CNTNAP5: variants seen among roughly 807,000 people sequenced by gnomAD.
CNTNAP5 encodes the protein contactin associated protein family member 5, also known as contactin-associated protein-like 5.
In CNTNAP5, 72 loss-of-function variants were observed where a neutral mutation model predicts 150.2. The observed-to-expected ratio is 0.48, with a 90% CI of 0.40 to 0.58. CNTNAP5 has a LOEUF of 0.58. Ranked by LOEUF, CNTNAP5 falls within the 20% of genes least tolerant of loss-of-function variation. The pLI, the probability that CNTNAP5 is intolerant of heterozygous loss-of-function variation, is 0.00. For missense variants in CNTNAP5, 1,636 were observed against 1,626.2 expected (o/e 1.01, Z -0.10); for synonymous variants, 672 against 619.8 (o/e 1.08, Z -1.25).
At chr2:124,653,550 A>T (rs192169186) in intron 13 of CNTNAP5, among the ~76,000 whole-genome samples, 260 of 152,246 alleles carry the variant, frequency 1.7e-3, no homozygotes, top group Non-Finnish European at 2.9e-3. Context: ...CAGCTCTGTA[A>T]ATACACTTGT....
intron 12 of CNTNAP5, among the ~76,000 whole-genome samples, chr2:124,627,905 G>C (rs1021233399): frequency 2.6e-4 from 39 of 152,272 alleles, no homozygotes; most frequent in African/African-American, 8.7e-4. Context: ...CACAGCACAA[G>C]ACAATCATAA....
intron 12 of CNTNAP5, among the ~76,000 whole-genome samples, chr2:124,631,413 T>C (rs1400673689): frequency 6.6e-6 from 1 of 152,028 alleles, no homozygotes; most frequent in African/African-American, 2.4e-5. Context: ...AATTCAGAAA[T>C]GAAACCATAC....
rs114604041 is a variant in CNTNAP5 at position 124,448,373 on chromosome 2, A to G, written c.918+1436A>G. Among the ~76,000 whole-genome samples, 984 of 152,212 alleles carry G rather than the reference A, an allele frequency of 6.5e-3. 4 individuals are homozygous for G. The highest frequency in any genetic ancestry group is 0.024 in the Middle Eastern group (7 of 292). On this transcript the variant is annotated intron_variant, in intron 6 of 23. Transcript: ENST00000682447. ...ATTTCTAATTATTTCACTATATTATATCGATTTGCCTGTCTCTTTTAACTA... is the reference window on the plus strand; with the variant it reads ...ATTTCTAATTATTTCACTATATTATGTCGATTTGCCTGTCTCTTTTAACTA...
intron 3 of CNTNAP5, among the ~76,000 whole-genome samples, chr2:124,365,559 G>T (rs973240914): frequency 1.3e-5 from 2 of 152,136 alleles, no homozygotes; most frequent in African/African-American, 4.8e-5. Context: ...GAAACAGTTG[G>T]CCCTGCATGT....
intron 21 of CNTNAP5, among the ~76,000 whole-genome samples, chr2:124,885,585 ACAC>A (rs1035961669): frequency 3.0e-5 from 4 of 132,048 alleles, no homozygotes; most frequent in South Asian, 4.8e-4. Context: ...ACACACACAC[ACAC>A]AACTCAGTAC....
chr2:124,170,594 C>T (rs138100233), intron 1 of CNTNAP5, among the ~76,000 whole-genome samples: 1 of 152,088 alleles, frequency 6.6e-6, no homozygotes, highest in Non-Finnish European at 1.5e-5. Flanking sequence ...TAAGGAGTGC[C>T]CTGGGTAAGC....
chr2:124,677,118 G>C (rs35773922), intron 13 of CNTNAP5, among the ~76,000 whole-genome samples: 35,910 of 152,068 alleles, frequency 0.24, 4,753 homozygotes, highest in African/African-American at 0.36. Flanking sequence ...TCCTGAGTTC[G>C]TTCCTTCAGA....
At chr2:124,629,104 G>A (rs186316426) in intron 12 of CNTNAP5, among the ~76,000 whole-genome samples, 2 of 152,288 alleles carry the variant, frequency 1.3e-5, no homozygotes, top group East Asian at 3.9e-4. Context: ...CCCACACAAT[G>A]ATAGTGGGAG....
chr2:124,786,452 A>AAGG (rs1681591446), intron 17 of CNTNAP5, among the ~76,000 whole-genome samples: 2 of 118,792 alleles, frequency 1.7e-5, no homozygotes, highest in South Asian at 3.1e-4. Flanking sequence ...GGAAGGAAAG[A>AAGG]AAGAAAGAAA....
intron 1 of CNTNAP5, among the ~76,000 whole-genome samples, chr2:124,194,590 T>C (rs1211378271): frequency 6.6e-6 from 1 of 150,912 alleles, no homozygotes; most frequent in Non-Finnish European, 1.5e-5. Context: ...TAGTTACTAA[T>C]CTGTATTATT....
At chr2:124,443,669 T>G (rs1476319874) in intron 5 of CNTNAP5, among the ~76,000 whole-genome samples, 1 of 152,106 alleles carries the variant, frequency 6.6e-6, no homozygotes, top group African/African-American at 2.4e-5. Context: ...ATAAAATTTA[T>G]CTTTTGAAGC....
intron 10 of CNTNAP5, among the ~76,000 whole-genome samples, chr2:124,551,146 C>T (rs1024254275): frequency 2.0e-5 from 3 of 152,046 alleles, no homozygotes; most frequent in South Asian, 2.1e-4. Flanking sequence ...CTTCTTGAAC[C>T]CCAGCATTGT....
At chr2:124,187,929 G>A (rs923005220) in intron 1 of CNTNAP5, among the ~76,000 whole-genome samples, 3 of 152,182 alleles carry the variant, frequency 2.0e-5, no homozygotes, top group African/African-American at 7.2e-5. Flanking sequence ...ATCAATGGTA[G>A]ATCATCTTCT....
intron 1 of CNTNAP5, among the ~76,000 whole-genome samples, chr2:124,201,285 G>A (rs1168613960): frequency 6.6e-6 from 1 of 152,158 alleles, no homozygotes; most frequent in African/African-American, 2.4e-5. Flanking sequence ...GAATAAAATT[G>A]AGATGTAACA....
intron 21 of CNTNAP5, among the ~76,000 whole-genome samples, chr2:124,902,041 C>T (rs1012417723): frequency 6.6e-6 from 1 of 151,940 alleles, no homozygotes; most frequent in Non-Finnish European, 1.5e-5. Flanking sequence ...CATCTCGGTA[C>T]GTGAAGACTA....
At chr2:124,478,117 C>CA (rs985545509) in intron 7 of CNTNAP5, among the ~76,000 whole-genome samples, 14 of 147,874 alleles carry the variant, frequency 9.5e-5, no homozygotes, top group South Asian at 4.3e-4. Context: ...ATAAGCAGAG[C>CA]AAAAAAAAGG....
At chr2:124,272,299 T>C (rs1462400017) in intron 3 of CNTNAP5, among the ~76,000 whole-genome samples, 1 of 152,216 alleles carries the variant, frequency 6.6e-6, no homozygotes. Flanking sequence ...GATGGATTGC[T>C]TTGGCTTATG....
At chr2:124,365,808 T>C (rs1423456662) in intron 3 of CNTNAP5, among the ~76,000 whole-genome samples, 1 of 152,236 alleles carries the variant, frequency 6.6e-6, no homozygotes. Context: ...AGTATGTTAA[T>C]AAGTGTATGC....
intron 21 of CNTNAP5, among the ~76,000 whole-genome samples, chr2:124,889,516 A>G (rs1384076069): frequency 1.3e-5 from 2 of 152,150 alleles, no homozygotes; most frequent in Non-Finnish European, 2.9e-5. Flanking sequence ...ATGGAGTGAG[A>G]TAGGATTCTT....
Sources: gnomAD v4.1 joint callset for allele counts (sites outside exome capture counted in the v4.1 genomes callset) on GRCh38, gnomAD v4.1.1 for gene constraint, MANE v1.5 for transcripts, NCBI Gene and HGNC (gene_info 2026-07-23, HGNC 2026-07-21) for gene names.